Variants in GLIS1 observed in about 807,000 individuals in gnomAD.
The protein encoded by GLIS1 is zinc finger protein GLIS1.
A neutral mutation model predicts 63.8 loss-of-function variants in GLIS1; 24 were observed. The ratio of observed to expected loss-of-function variants is 0.38; its 90% CI spans 0.27 to 0.53. The LOEUF (loss-of-function observed/expected upper bound fraction) is 0.53. Ranked by LOEUF, GLIS1 falls within the 20% of genes least tolerant of loss-of-function variation. The probability of loss-of-function intolerance (pLI) is 0.85; values close to 1 mark genes in which losing one functional copy is unlikely to be tolerated. For missense variants in GLIS1, 1,036 were observed against 1,074.1 expected (o/e 0.96, Z 0.50); for synonymous variants, 450 against 482.5 (o/e 0.93, Z 0.88).
At chr1:53,590,661 A>G (rs1645182146) in intron 4 of GLIS1, among the ~76,000 whole-genome samples, 1 of 152,218 alleles carries the variant, frequency 6.6e-6, no homozygotes, top group South Asian at 2.1e-4. Flanking sequence ...TAACCTTGTT[A>G]TCGTAACACA....
At chr1:53,712,385 A>G (rs536014774) in intron 2 of GLIS1, among the ~76,000 whole-genome samples, 3 of 152,312 alleles carry the variant, frequency 2.0e-5, no homozygotes, top group African/African-American at 7.2e-5. Flanking sequence ...AAGGGCCCAG[A>G]ATGCCTTCCT....
Position 53,555,066 on chromosome 1 carries a change from C to G in GLIS1, c.1321-25114G>C, listed in dbSNP as rs973993928. On this transcript the variant is annotated intron_variant, in intron 4 of 10. Coordinates refer to ENST00000628545, the MANE Select transcript of GLIS1 (RefSeq NM_001367484.1). ...AGGGACCCACGGGACTGGCATGTTT[C>G]AGAAAGAACCCCATGCACTCTCAGA... Among the ~76,000 whole-genome samples, 42 of 152,192 alleles carry G rather than the reference C, an allele frequency of 2.8e-4. 1 individual carries two copies. The highest frequency in any genetic ancestry group is 9.9e-4 in the African/African-American group (41 of 41,440).
chr1:53,685,938 G>A (rs72660647), intron 2 of GLIS1, among the ~76,000 whole-genome samples: 13,827 of 152,124 alleles, frequency 0.091, 870 homozygotes, highest in East Asian at 0.21. Context: ...CCCCACCTCA[G>A]ATTCTCCCCA....
rs1644524550 is a variant in GLIS1, at chr1:53,530,987, G to A, written c.1321-1035C>T. 2.0e-5 allele frequency among the ~76,000 whole-genome samples: 3 copies of A among 152,228 alleles called. No homozygotes were observed. In the South Asian group the frequency reaches 6.2e-4, roughly 31 times the overall value. On this transcript the variant is annotated intron_variant, in intron 4 of 10. Transcript: ENST00000628545. Reference sequence around the variant, plus strand: ...GCTGGGTGTTGGACACACAACAGCTGTGAAGTATACGGCATTAATGTCCCC... The same window carrying A: ...GCTGGGTGTTGGACACACAACAGCTATGAAGTATACGGCATTAATGTCCCC...
chr1:53,555,327 G>A (rs1164253521), intron 4 of GLIS1, among the ~76,000 whole-genome samples: 3 of 152,244 alleles, frequency 2.0e-5, no homozygotes, highest in Non-Finnish European at 2.9e-5. Flanking sequence ...TCAGGAGATC[G>A]AGACCATCCT....
At chr1:53,518,810 T>C (rs1644377886) in intron 7 of GLIS1, among the ~76,000 whole-genome samples, 1 of 152,192 alleles carries the variant, frequency 6.6e-6, no homozygotes, top group African/African-American at 2.4e-5. Context: ...AAGCAGGTGC[T>C]CAAGAGATGG....
intron 4 of GLIS1, among the ~76,000 whole-genome samples, chr1:53,554,999 A>G (rs749522194): frequency 6.6e-5 from 10 of 152,170 alleles, no homozygotes; most frequent in Non-Finnish European, 1.3e-4. Flanking sequence ...GGAAACCCCA[A>G]AACTGTCTCC....
At chr1:53,603,094 T>C (rs931184053) in intron 2 of GLIS1, among the ~76,000 whole-genome samples, 2 of 152,120 alleles carry the variant, frequency 1.3e-5, no homozygotes, top group Non-Finnish European at 2.9e-5. Context: ...CAACAAACTA[T>C]TGAGGCCTGT....
intron 2 of GLIS1, among the ~76,000 whole-genome samples, chr1:53,688,409 G>T (rs191826921): frequency 5.3e-5 from 8 of 152,242 alleles, no homozygotes; most frequent in African/African-American, 1.9e-4. Flanking sequence ...GTCCTGCCGA[G>T]CCAGGGACTA....
intron 4 of GLIS1, among the ~76,000 whole-genome samples, chr1:53,531,655 G>GCA (rs1644532208): frequency 6.6e-6 from 1 of 152,156 alleles, no homozygotes; most frequent in South Asian, 2.1e-4. Context: ...TGTGGGAGAT[G>GCA]CACACACGCA....
chr1:53,570,528 G>A (rs1057087572), intron 4 of GLIS1, among the ~76,000 whole-genome samples: 1 of 152,154 alleles, frequency 6.6e-6, no homozygotes, highest in Non-Finnish European at 1.5e-5. Context: ...AGCGGGGATG[G>A]ACTTTTCTAC....
chr1:53,651,655 T>C (rs887270058), intron 2 of GLIS1, among the ~76,000 whole-genome samples: 2 of 152,116 alleles, frequency 1.3e-5, no homozygotes, highest in Non-Finnish European at 1.5e-5. Context: ...GCAGGAGGAC[T>C]GTTTGAGGCC....
intron 2 of GLIS1, among the ~76,000 whole-genome samples, chr1:53,693,273 C>T (rs1381222425): frequency 6.6e-6 from 1 of 152,208 alleles, no homozygotes; most frequent in East Asian, 1.9e-4. Flanking sequence ...CATGTCAAGT[C>T]AGTGGCAGGA....
intron 2 of GLIS1, among the ~76,000 whole-genome samples, chr1:53,647,904 G>A (rs1645863654): frequency 6.6e-6 from 1 of 152,162 alleles, no homozygotes; most frequent in East Asian, 1.9e-4. Context: ...AGACACAGTG[G>A]CACATGCCTG....
In GLIS1 at chr1:53,529,842, G is replaced by A. The variant is rs12021912; in HGVS notation, c.1431C>T (p.Ala477=). The A allele has an allele frequency of 0.05, 80,147 of 1,613,678 alleles. 8,135 individuals carry two copies. The highest frequency in any genetic ancestry group is 0.48 in the East Asian group (21,579 of 44,820). Residue 477 remains alanine, a synonymous_variant, in exon 5 of 11, where the codon GCC becomes GCT. Coordinates refer to ENST00000628545, the MANE Select transcript of GLIS1 (RefSeq NM_001367484.1). ...YLCQHPGCQK[A]FSNSSDRAKH... is the part of the protein sequence containing the mutation. ...TGGCGCGGTCGCTGGAGTTGCTGAAGGCCTTCTGGCAACCCGGGTGCTGGC... is the reference window on the plus strand; with the variant it reads ...TGGCGCGGTCGCTGGAGTTGCTGAAAGCCTTCTGGCAACCCGGGTGCTGGC...
chr1:53,650,455 T>G (rs1336226609), intron 2 of GLIS1, among the ~76,000 whole-genome samples: 1 of 152,064 alleles, frequency 6.6e-6, no homozygotes, highest in African/African-American at 2.4e-5. Context: ...ACAGGCGTGG[T>G]GGCACACGCC....
chr1:53,682,423 A>C (rs1033284755), intron 2 of GLIS1, among the ~76,000 whole-genome samples: 1 of 150,698 alleles, frequency 6.6e-6, no homozygotes, highest in African/African-American at 2.5e-5. Context: ...TCTGTAGATG[A>C]CTGAAGTAAG....
intron 4 of GLIS1, among the ~76,000 whole-genome samples, chr1:53,542,572 G>A (rs1004432943): frequency 6.6e-6 from 1 of 152,230 alleles, no homozygotes; most frequent in Non-Finnish European, 1.5e-5. Context: ...TTAGTTGGGG[G>A]CTGGGAGAGA....
At chr1:53,685,866 T>G (rs1485310340) in intron 2 of GLIS1, among the ~76,000 whole-genome samples, 1 of 152,148 alleles carries the variant, frequency 6.6e-6, no homozygotes, top group Non-Finnish European at 1.5e-5. Flanking sequence ...GCTGCCACTG[T>G]GCTGAGCCAT....
Sources: gnomAD v4.1 joint callset for allele counts (sites outside exome capture counted in the v4.1 genomes callset) on GRCh38, gnomAD v4.1.1 for gene constraint, MANE v1.5 for transcripts, NCBI Gene and HGNC (gene_info 2026-07-23, HGNC 2026-07-21) for gene names.